The following PLCXD1 variants were observed in gnomAD, a reference collection of about 807,000 sequenced individuals.
PLCXD1 encodes the protein PI-PLC X domain-containing protein 1.
Under a neutral mutation model 37.8 loss-of-function variants are expected in PLCXD1, and 45 were observed. The ratio of observed to expected loss-of-function variants is 1.19; its 90% CI spans 0.94 to 1.53. The LOEUF (loss-of-function observed/expected upper bound fraction) is 1.53. Ranked by LOEUF, PLCXD1 falls within the 40% of genes most tolerant of loss-of-function variation. PLCXD1 has a pLI of 0.00. For missense variants in PLCXD1, 539 were observed against 454.7 expected (o/e 1.19, Z -1.69); for synonymous variants, 246 against 206.9 (o/e 1.19, Z -1.62).
chrX:295,527 CT>C (rs746610594), intron 6 of PLCXD1, among the ~76,000 whole-genome samples: 26,037 of 143,860 alleles, frequency 0.18, 3,024 homozygotes, highest in African/African-American at 0.35. Flanking sequence ...TCAGAAATGT[CT>C]TTTTTTTTTT....
chrX:291,443 G>A (rs1170738389), intron 4 of PLCXD1, 56 bp from the exon 5 acceptor site: 78 of 1,587,974 alleles, frequency 4.9e-5, no homozygotes, highest in Admixed American at 3.3e-4. Flanking sequence ...GCCACACCCC[G>A]CCTTCCCTGT....
At chrX:276,728 G>C (rs2069164294), upstream of PLCXD1, among the ~76,000 whole-genome samples, 2 of 152,192 alleles carry the variant, frequency 1.3e-5, 1 homozygote, top group South Asian at 4.1e-4. Context: ...TTGGCCGGTT[G>C]GACGTCCTCA....
chrX:286,324 C>T (rs1049313095), intron 2 of PLCXD1, among the ~76,000 whole-genome samples: 7 of 152,104 alleles, frequency 4.6e-5, no homozygotes, highest in Non-Finnish European at 1.0e-4. Context: ...CTCGGCCTCC[C>T]AAAGTGCTGG....
chrX:287,281 ATATT>A (rs1181149071), intron 2 of PLCXD1, among the ~76,000 whole-genome samples: 1 of 146,324 alleles, frequency 6.8e-6, no homozygotes, highest in African/African-American at 2.5e-5. Context: ...TATATATCAT[ATATT>A]TATATAAATA....
intron 6 of PLCXD1, among the ~76,000 whole-genome samples, chrX:294,904 A>G (rs1035539395): frequency 2.0e-5 from 3 of 151,866 alleles, no homozygotes; most frequent in African/African-American, 7.3e-5. Flanking sequence ...ATTTCGGTGC[A>G]GTGGCTCACG....
At chrX:290,366 C>G (rs1168700231) in intron 3 of PLCXD1, among the ~76,000 whole-genome samples, 1 of 150,204 alleles carries the variant, frequency 6.7e-6, no homozygotes, top group African/African-American at 2.5e-5. Flanking sequence ...GGAGGCGGAG[C>G]TTGCAGTGAG....
chrX:299,141 T>C lies in PLCXD1; in HGVS notation c.778T>C (p.Tyr260His). The C allele has an allele frequency of 6.2e-7, 1 of 1,613,874 alleles. No individual in the cohort carries two copies. Among genetic ancestry groups the C allele is most frequent in the African/African-American group, 1.3e-5 (1 of 75,040 alleles). ...CATCAACCTCACGGAGAACCTGCAG[T>C]ACGTTCTGGCGCACCCGTCCGAGTC... Reference protein sequence around the residue: ...AGINLTENLQYVLAHPSESLE... With the variant: ...AGINLTENLQHVLAHPSESLE... Residue 260 changes from tyrosine (Y) to histidine (H), a missense_variant, in exon 7 of 7, where the codon TAC becomes CAC. Coordinates refer to ENST00000381657, the MANE Select transcript of PLCXD1 (RefSeq NM_018390.4).
rs1322118925 is a variant in PLCXD1 at position 292,464 on chromosome X, T to A, written c.550-571T>A. ...ACAGAGCGAGATCCGTCTCAAAAAA[T>A]AAAAAATAAAAATAAATAAATATAT... is the stretch of plus-strand genomic sequence containing the variant. On this transcript the variant is annotated intron_variant, in intron 5 of 6. Coordinates refer to ENST00000381657, the MANE Select transcript of PLCXD1 (RefSeq NM_018390.4). 6.6e-5 allele frequency among the ~76,000 whole-genome samples: 10 copies of A among 151,252 alleles called. No homozygotes were observed. In the East Asian group the frequency reaches 1.4e-3, roughly 21 times the overall value.
chrX:286,356 C>G (rs1173050912), intron 2 of PLCXD1, among the ~76,000 whole-genome samples: 14 of 152,116 alleles, frequency 9.2e-5, no homozygotes, highest in Non-Finnish European at 1.6e-4. Context: ...TGAGCTATTG[C>G]ACCCGACATC....
Position 299,448 on chromosome X carries a change from G to C in PLCXD1, c.*113G>C, listed in dbSNP as rs376217639. On this transcript the variant is annotated 3_prime_UTR_variant, in exon 7 of 7. Coordinates refer to ENST00000381657, the MANE Select transcript of PLCXD1 (RefSeq NM_018390.4). ...GTGATCATAGGACCGATGATAATAC[G>C]TTTTCATTTTCTTTAAAATAGAGAT... 3 of 822,372 alleles carry C rather than the reference G, an allele frequency of 3.6e-6. No homozygotes were observed. The South Asian group carries it at 4.6e-5, about 13-fold the overall frequency. 50.9% of individuals were successfully genotyped at this position (822,372 alleles called of 1,614,324 possible). A position where few individuals can be genotyped will look rare whatever the true frequency, so the allele number is the denominator to read the frequency against.
At position 299,162 on chromosome X, in the gene PLCXD1, G is replaced by C; in HGVS notation, c.799G>C (p.Glu267Gln). 1.9e-6 allele frequency: 3 copies of C among 1,613,930 alleles called. 1 individual carries two copies. The South Asian group carries it at 3.3e-5, about 18-fold the overall frequency. ...NLQYVLAHPS[E>Q]SLEKMTLPNL... ...GCAGTACGTTCTGGCGCACCCGTCC[G>C]AGTCCCTGGAGAAGATGACGCTGCC... is the stretch of plus-strand genomic sequence containing the variant. The change falls in exon 7 of 7, where the codon GAG becomes CAG. Residue 267 changes from glutamate to glutamine, a missense_variant. Glu to Gln is a conservative substitution (Grantham distance 29, BLOSUM62 2). Coordinates refer to ENST00000381657, the MANE Select transcript of PLCXD1 (RefSeq NM_018390.4).
chrX:290,387 AC>A (rs1317565945), intron 3 of PLCXD1, among the ~76,000 whole-genome samples: 4 of 148,316 alleles, frequency 2.7e-5, no homozygotes, highest in Non-Finnish European at 5.9e-5. Flanking sequence ...CCCAGATTGC[AC>A]CACTGCACTC....
rs968112829 is a variant in PLCXD1, at chrX:300,052, CAAA to C, written c.*736_*738del. The C allele has an allele frequency of 9.2e-3, 611 of 66,644 alleles. 4 individuals are homozygous for C. Among genetic ancestry groups the C allele is most frequent in the African/African-American group, 0.025 (580 of 23,356 alleles). 4.1% of individuals were successfully genotyped at this position (66,644 alleles called of 1,614,324 possible). On this transcript the variant is annotated 3_prime_UTR_variant, in exon 7 of 7. Coordinates refer to ENST00000381657, the MANE Select transcript of PLCXD1 (RefSeq NM_018390.4). ...TGGGCGACAGAGCGAGACTCCATCT[CAAA>C]AAAAAAAAAAAAAAAAAAGATGGGG... is the stretch of plus-strand genomic sequence containing the variant.
Position 289,510 on chromosome X carries a change from C to CTTTTTT in PLCXD1, c.264+646_264+647insTTTTTT, listed in dbSNP as rs1281823641. ...AGAGACAACACCTTTCTTTTTCTTTCTTTTTCTTTTTTTTTTTTTTGAGAC... is the reference window on the plus strand; with the variant it reads ...AGAGACAACACCTTTCTTTTTCTTTCTTTTTTTTTTTCTTTTTTTTTTTTTTGAGAC... On this transcript the variant is annotated intron_variant, in intron 3 of 6. Coordinates refer to ENST00000381657, the MANE Select transcript of PLCXD1 (RefSeq NM_018390.4). Among the ~76,000 whole-genome samples the CTTTTTT allele has an allele frequency of 3.0e-4, 29 of 97,806 alleles. 4 individuals are homozygous for CTTTTTT. The highest frequency in any genetic ancestry group is 2.7e-4 in the East Asian group (1 of 3,720). The allele number at this position is 97,806 out of a possible 152,430, so 64.2% of individuals were successfully genotyped here.
chrX:291,573 C>T lies in PLCXD1; in HGVS notation c.468C>T (p.Phe156=), dbSNP rs374152480. Residue 156 remains phenylalanine, a synonymous_variant, in exon 5 of 7, where the codon TTC becomes TTT. Transcript: ENST00000381657. ...REVVILACRN[F]EGLSEDLHEY... The stretch of plus-strand genomic sequence containing the variant: ...TGGTCATCCTGGCCTGCAGAAACTT[C>T]GAGGGGCTGAGCGAGGACCTGCACG... 5.3e-5 allele frequency: 85 copies of T among 1,613,054 alleles called. No homozygotes were observed. Among genetic ancestry groups the T allele is most frequent in the Non-Finnish European group, 6.8e-5 (80 of 1,179,836 alleles).
At chrX:292,216 G>T (rs2069659224) in intron 5 of PLCXD1, among the ~76,000 whole-genome samples, 1 of 152,066 alleles carries the variant, frequency 6.6e-6, no homozygotes, top group Admixed American at 6.5e-5. Context: ...AGGACTTTGG[G>T]AGGCCGAGGC....
intron 1 of PLCXD1, chrX:283,688 A>C (rs191950183): frequency 0.03 from 3,910 of 132,038 alleles, 117 homozygotes; most frequent in East Asian, 0.1. Context: ...GGTGTCAGGC[A>C]CGGGTGGGGG....
chrX:290,527 T>TA (rs1221888643), intron 3 of PLCXD1, 121 bp from the exon 4 acceptor site: 3 of 1,056,926 alleles, frequency 2.8e-6, no homozygotes, highest in Non-Finnish European at 4.2e-6. Flanking sequence ...CAGCTGTTGT[T>TA]ACGACATCCA....
In PLCXD1 at chrX:288,884, C is replaced by T. The variant is rs28685748; in HGVS notation, c.264+15C>T. 905 of 1,611,232 alleles carry T rather than the reference C, an allele frequency of 5.6e-4. 3 individuals carry two copies. In the African/African-American group the frequency reaches 8.8e-3, roughly 16 times the overall value. On this transcript the variant is annotated intron_variant, in intron 3 of 6. Coordinates refer to ENST00000381657, the MANE Select transcript of PLCXD1 (RefSeq NM_018390.4). ...CCGTCACCCAGGTACGGTCTGTGCC[C>T]CGTGCTGCTGACCTGGCCTGTCAGC... is the stretch of plus-strand genomic sequence containing the variant.
Sources: gnomAD v4.1 joint callset for allele counts (sites outside exome capture counted in the v4.1 genomes callset) on GRCh38, gnomAD v4.1.1 for gene constraint, MANE v1.5 for transcripts, NCBI Gene and HGNC (gene_info 2026-07-23, HGNC 2026-07-21) for gene names.